EPHB1: variants seen among roughly 807,000 people sequenced by gnomAD.
EPHB1 encodes the protein EPH receptor B1.
EPHB1 carries 30 observed loss-of-function variants against 94.4 expected under a neutral mutation model. The observed-to-expected ratio is 0.32, with a 90% CI of 0.24 to 0.43. The LOEUF (loss-of-function observed/expected upper bound fraction) is 0.43, where lower values mean the gene tolerates loss of function less well. Among genes scored for constraint, EPHB1 ranks in the 20% least tolerant of loss-of-function variants. The probability of loss-of-function intolerance (pLI) is 1.00; values close to 1 mark genes in which losing one functional copy is unlikely to be tolerated. For missense variants in EPHB1, 1,055 were observed against 1,308.3 expected, an observed-to-expected ratio of 0.81 and a Z score of 2.99; for synonymous variants, 522 against 489.1, an observed-to-expected ratio of 1.07 and a Z score of -0.89.
intron 3 of EPHB1, among the ~76,000 whole-genome samples, chr3:135,093,042 C>A (rs1195007111): frequency 1.3e-5 from 2 of 152,226 alleles, no homozygotes; most frequent in Non-Finnish European, 2.9e-5. Flanking sequence ...ATTCCTCACT[C>A]CGTGTCAATG....
chr3:135,014,339 C>G (rs1306387932), intron 3 of EPHB1, among the ~76,000 whole-genome samples: 1 of 152,184 alleles, frequency 6.6e-6, no homozygotes, highest in Non-Finnish European at 1.5e-5. Flanking sequence ...TATGGCCCAG[C>G]CCGACTTGAT....
At chr3:134,904,736 A>T (rs563199632) in intron 1 of EPHB1, among the ~76,000 whole-genome samples, 2 of 152,356 alleles carry the variant, frequency 1.3e-5, no homozygotes, top group East Asian at 3.9e-4. Flanking sequence ...GATCACAGAT[A>T]GTCAGGGAAG....
intron 5 of EPHB1, among the ~76,000 whole-genome samples, chr3:135,135,855 A>G (rs1940602140): frequency 1.3e-5 from 2 of 152,196 alleles, no homozygotes; most frequent in Non-Finnish European, 1.5e-5. Flanking sequence ...GCTGGGGACT[A>G]TTGAGTGGGT....
intron 12 of EPHB1, among the ~76,000 whole-genome samples, chr3:135,220,770 A>G (rs986539471): frequency 6.6e-6 from 1 of 152,146 alleles, no homozygotes; most frequent in African/African-American, 2.4e-5. Context: ...TCTGAGTGTT[A>G]TCTATAAAAT....
At chr3:134,958,446 G>GTGTGTGTGTGTGTGTT (rs1216880112) in intron 3 of EPHB1, among the ~76,000 whole-genome samples, 1 of 148,200 alleles carries the variant, frequency 6.7e-6, no homozygotes. Flanking sequence ...GTGTGTGTGT[G>GTGTGTGTGTGTGTGTT]TGTGAGGCCT....
chr3:134,945,266 T>C (rs1228091291), intron 2 of EPHB1, among the ~76,000 whole-genome samples: 2 of 152,182 alleles, frequency 1.3e-5, no homozygotes, highest in Non-Finnish European at 2.9e-5. Flanking sequence ...TAGAGATGAA[T>C]TTATCAATAT....
chr3:135,107,970 A>G (rs1939285292), intron 4 of EPHB1, among the ~76,000 whole-genome samples: 1 of 152,204 alleles, frequency 6.6e-6, no homozygotes, highest in South Asian at 2.1e-4. Flanking sequence ...AATAAGCCCA[A>G]AAAGCATTGT....
At chr3:135,029,719 G>A (rs1199723869) in intron 3 of EPHB1, among the ~76,000 whole-genome samples, 3 of 150,552 alleles carry the variant, frequency 2.0e-5, no homozygotes, top group Middle Eastern at 3.2e-3. Flanking sequence ...TGCTCTTCTC[G>A]AGGAGTATCT....
At chr3:135,118,870 A>G (rs1025908762) in intron 4 of EPHB1, among the ~76,000 whole-genome samples, 1 of 152,202 alleles carries the variant, frequency 6.6e-6, no homozygotes, top group South Asian at 2.1e-4. Context: ...TACTGCCACA[A>G]AAATGCATAT....
intron 1 of EPHB1, among the ~76,000 whole-genome samples, chr3:134,797,460 C>T (rs1377126981): frequency 6.6e-6 from 1 of 152,224 alleles, no homozygotes. Context: ...AGGCTCGGTC[C>T]GGCCCGCGGC....
intron 3 of EPHB1, among the ~76,000 whole-genome samples, chr3:135,012,347 C>T (rs1213715793): frequency 6.6e-6 from 1 of 152,196 alleles, no homozygotes; most frequent in East Asian, 1.9e-4. Flanking sequence ...ACAGCCAGTC[C>T]TCAAGGCTGA....
At position 135,081,053 on chromosome 3, in the gene EPHB1, C is replaced by A. The variant is rs1314432809; in HGVS notation, c.806-25395C>A. On this transcript the variant is annotated intron_variant, in intron 3 of 15. Coordinates refer to ENST00000398015, the MANE Select transcript of EPHB1 (RefSeq NM_004441.5). ...CAGACAGGCATCCTCTATTGCAAAT[C>A]TCCATCCTATCTCCATCTAGAGACA... Among the ~76,000 whole-genome samples the A allele has an allele frequency of 2.6e-5, 4 of 152,172 alleles. No homozygotes were observed. In the South Asian group the frequency reaches 8.3e-4, roughly 32 times the overall value.
At chr3:135,092,589 G>A (rs1047554745) in intron 3 of EPHB1, among the ~76,000 whole-genome samples, 2 of 151,922 alleles carry the variant, frequency 1.3e-5, no homozygotes, top group Non-Finnish European at 2.9e-5. Context: ...CCCTGACTCT[G>A]GAGTCCAACA....
At chr3:135,147,370 G>A (rs879264088) in intron 5 of EPHB1, among the ~76,000 whole-genome samples, 1 of 152,194 alleles carries the variant, frequency 6.6e-6, no homozygotes, top group Non-Finnish European at 1.5e-5. Flanking sequence ...GCAAACATAT[G>A]TCCACACAGA....
chr3:134,970,330 C>A (rs1933919427), intron 3 of EPHB1, among the ~76,000 whole-genome samples: 1 of 152,172 alleles, frequency 6.6e-6, no homozygotes, highest in Admixed American at 6.5e-5. Flanking sequence ...CCTGTGATGT[C>A]CAATTATTTC....
Position 135,132,793 on chromosome 3 carries a change from G to A in EPHB1, c.1041G>A (p.Glu347=), listed in dbSNP as rs760751675. 6.2e-7 allele frequency: 1 copy of A among 1,613,984 alleles called. No individual in the cohort carries two copies. The highest frequency in any genetic ancestry group is 1.1e-5 in the South Asian group (1 of 91,074). Residue 347 remains glutamate, a synonymous_variant, in exon 5 of 16, where the codon GAG becomes GAA. Coordinates refer to ENST00000398015, the MANE Select transcript of EPHB1 (RefSeq NM_004441.5). ...SIILEWHPPR[E]TGGRDDVTYN... ...TTCTGGAGTGGCACCCTCCAAGGGA[G>A]ACAGGTGGGCGGGATGATGTGACCT... is the stretch of plus-strand genomic sequence containing the variant.
At chr3:135,163,722 G>A (rs1461727549) in intron 7 of EPHB1, among the ~76,000 whole-genome samples, 1 of 152,224 alleles carries the variant, frequency 6.6e-6, no homozygotes, top group Non-Finnish European at 1.5e-5. Context: ...TTTCTCCCAA[G>A]AAGGCTGTTT....
chr3:135,143,199 G>C (rs1405235858), intron 5 of EPHB1, among the ~76,000 whole-genome samples: 3 of 152,108 alleles, frequency 2.0e-5, no homozygotes, highest in Non-Finnish European at 4.4e-5. Flanking sequence ...CAGTGGGAAA[G>C]TCAGAATCAA....
chr3:134,817,908 G>A (rs905524466), intron 1 of EPHB1, among the ~76,000 whole-genome samples: 4 of 152,152 alleles, frequency 2.6e-5, no homozygotes, highest in South Asian at 4.1e-4. Flanking sequence ...ACTGGCGGTC[G>A]GGAGAACTGT....
Sources: gnomAD v4.1 joint callset for allele counts (sites outside exome capture counted in the v4.1 genomes callset) on GRCh38, gnomAD v4.1.1 for gene constraint, MANE v1.5 for transcripts, NCBI Gene and HGNC (gene_info 2026-07-23, HGNC 2026-07-21) for gene names.